Variants in SEMA4F observed in about 807,000 individuals in gnomAD.
SEMA4F encodes semaphorin-4F.
Under a neutral mutation model 78.4 loss-of-function variants are expected in SEMA4F, and 51 were observed. The observed-to-expected ratio is 0.65, with a 90% CI of 0.52 to 0.82. The LOEUF (loss-of-function observed/expected upper bound fraction) is 0.82, where lower values mean the gene tolerates loss of function less well. Ranked by LOEUF, SEMA4F falls within the 40% of genes least tolerant of loss-of-function variation. The pLI, the probability that SEMA4F is intolerant of heterozygous loss-of-function variation, is 0.00. For synonymous variants in SEMA4F, 418 were observed against 408.7 expected (o/e 1.02, Z -0.27); for missense variants, 938 against 1,014.4 (o/e 0.92, Z 1.02).
intron 12 of SEMA4F, among the ~76,000 whole-genome samples, chr2:74,676,510 A>G (rs1175341811): frequency 1.3e-5 from 2 of 152,212 alleles, no homozygotes; most frequent in African/African-American, 4.8e-5. Context: ...TTAGCAAGTC[A>G]AAGTATGCAC....
chr2:74,667,606 G>A (rs867244824), intron 5 of SEMA4F, among the ~76,000 whole-genome samples: 4 of 152,236 alleles, frequency 2.6e-5, no homozygotes, highest in Middle Eastern at 3.4e-3. Flanking sequence ...TTTCAAATAC[G>A]AAGTTTATCT....
At position 74,682,060 on chromosome 2, in the gene SEMA4F, G is replaced by A. The variant is rs1406818484; in HGVS notation, c.*1851G>A. 1 of 152,224 alleles carries A rather than the reference G, an allele frequency of 6.6e-6. No homozygotes were observed. The highest frequency in any genetic ancestry group is 2.4e-5 in the African/African-American group (1 of 41,432). 9.4% of individuals were successfully genotyped at this position (152,224 alleles called of 1,614,324 possible). A position where few individuals can be genotyped will look rare whatever the true frequency, so the allele number is the denominator to read the frequency against. ...CAATAAAGACCTGTCTGTACCAATAGATGTTGTTATTGCAAAAATGGGCTT... is the reference window on the plus strand; with the variant it reads ...CAATAAAGACCTGTCTGTACCAATAAATGTTGTTATTGCAAAAATGGGCTT... On this transcript the variant is annotated 3_prime_UTR_variant, in exon 14 of 14. Coordinates refer to ENST00000357877, the MANE Select transcript of SEMA4F (RefSeq NM_004263.5).
At chr2:74,663,151 G>A (rs1684512435) in intron 5 of SEMA4F, among the ~76,000 whole-genome samples, 1 of 152,076 alleles carries the variant, frequency 6.6e-6, no homozygotes, top group Admixed American at 6.5e-5. Context: ...AATAAATTTG[G>A]AAAAAGTATA....
chr2:74,675,769 C>G lies in SEMA4F; in HGVS notation c.1503C>G (p.Ser501=). The change falls in exon 12 of 14, where the codon TCC becomes TCG. Residue 501 remains serine, a synonymous_variant. Coordinates refer to ENST00000357877, the MANE Select transcript of SEMA4F (RefSeq NM_004263.5). ...TATAGAGCTGGCTCCTGGTTGGCTC[C>G]CGTACTGAGGTGACACAAGTGAATA... The part of the protein sequence containing the change: ...KLYHSWLLVG[S]RTEVTQVNTT... 1.9e-6 allele frequency: 3 copies of G among 1,614,140 alleles called. No individual in the cohort carries two copies. Among genetic ancestry groups the G allele is most frequent in the Non-Finnish European group, 2.5e-6 (3 of 1,180,000 alleles).
intron 5 of SEMA4F, among the ~76,000 whole-genome samples, chr2:74,672,411 AC>A (rs1445681620): frequency 5.3e-5 from 8 of 152,030 alleles, no homozygotes; most frequent in Admixed American, 1.3e-4. Context: ...CTGATTACAC[AC>A]TTGTCTTCCT....
At chr2:74,705,820 C>T in the SEMA4F span, among the ~76,000 whole-genome samples, 1 of 152,180 alleles carries the variant, frequency 6.6e-6, no homozygotes. Context: ...CCTGCCTCAG[C>T]CTCTCAAAAG....
chr2:74,663,340 C>T (rs943482762), intron 5 of SEMA4F, among the ~76,000 whole-genome samples: 2 of 152,102 alleles, frequency 1.3e-5, no homozygotes, highest in Non-Finnish European at 2.9e-5. Context: ...TTTAATTTTA[C>T]GTAAATAGGC....
At chr2:74,656,422 G>A in intron 1 of SEMA4F, 112 bp from the exon 2 acceptor site, 2 of 1,020,370 alleles carry the variant, frequency 2.0e-6, no homozygotes, top group Non-Finnish European at 2.9e-6. Flanking sequence ...CCCCATGGCT[G>A]CTTAATAAAT....
At position 74,680,220 on chromosome 2, in the gene SEMA4F, A is replaced by G. The variant is rs769281881; in HGVS notation, c.*11A>G. 2 of 1,550,964 alleles carry G rather than the reference A, an allele frequency of 1.3e-6. No homozygotes were observed. The highest frequency in any genetic ancestry group is 1.7e-6 in the Non-Finnish European group (2 of 1,144,150). On this transcript the variant is annotated 3_prime_UTR_variant, in exon 14 of 14. Coordinates refer to ENST00000357877, the MANE Select transcript of SEMA4F (RefSeq NM_004263.5). The stretch of plus-strand genomic sequence containing the variant: ...GAAACATCCATCTAGAGCTGGGCAA[A>G]TGACCACTAGTGTATAAGTGATCAC...
chr2:74,676,283 T>C (rs1685276078), intron 12 of SEMA4F, among the ~76,000 whole-genome samples: 1 of 152,236 alleles, frequency 6.6e-6, no homozygotes, highest in South Asian at 2.1e-4. Context: ...TCTCCTTTAC[T>C]TTCCCATCCA....
Position 74,654,353 on chromosome 2 carries a change from A to T in SEMA4F, c.-24A>T, listed in dbSNP as rs765968555. The T allele has an allele frequency of 1.4e-6, 2 of 1,464,544 alleles. No homozygotes were observed. Among genetic ancestry groups the T allele is most frequent in the South Asian group, 2.7e-5 (2 of 74,658 alleles). The allele number at this position is 1,464,544 out of a possible 1,614,324, so 90.7% of individuals were successfully genotyped here. On this transcript the variant is annotated 5_prime_UTR_variant, in exon 1 of 14. Transcript: ENST00000357877. The stretch of plus-strand genomic sequence containing the variant: ...GAGCAGAGGCCGTAGCTTGCGCCGC[A>T]CCCGCGGCCAGGCGGAGCCAAAGAT...
In SEMA4F at chr2:74,669,109, G is replaced by A. The variant is rs1340025617; in HGVS notation, c.551-4348G>A. 2.0e-5 allele frequency among the ~76,000 whole-genome samples: 3 copies of A among 151,900 alleles called. No individual in the cohort carries two copies. In the East Asian group the frequency reaches 5.8e-4, roughly 30 times the overall value. On this transcript the variant is annotated intron_variant, in intron 5 of 13. Transcript: ENST00000357877. ...GACCCTGTTGTTAAAAATTAAAGAC[G>A]GGGTCTTTAAAGGCCCCATCTTTAA...
the SEMA4F span, among the ~76,000 whole-genome samples, chr2:74,704,525 AG>A: frequency 6.6e-6 from 1 of 151,854 alleles, no homozygotes; most frequent in Non-Finnish European, 1.5e-5. Context: ...GGTTATTGTA[AG>A]GATCAAATTA....
At chr2:74,657,985 G>T in intron 4 of SEMA4F, 34 bp downstream of exon 4, 1 of 1,581,662 alleles carries the variant, frequency 6.3e-7, no homozygotes, top group Non-Finnish European at 8.7e-7. Context: ...GGGAGAGGGT[G>T]CCTGCACCAG....
the SEMA4F span, among the ~76,000 whole-genome samples, chr2:74,701,354 C>T: frequency 2.6e-5 from 4 of 152,296 alleles, no homozygotes; most frequent in South Asian, 4.1e-4. Context: ...TCTCTCCCTG[C>T]GCACCTGTCA....
At chr2:74,689,852 A>G in the SEMA4F span, among the ~76,000 whole-genome samples, 3 of 152,230 alleles carry the variant, frequency 2.0e-5, no homozygotes, top group East Asian at 5.8e-4. Context: ...AGATCACTCT[A>G]TAATCATGTC....
rs1684244471 is a variant in SEMA4F, at chr2:74,658,009, G to A, written c.456+58G>A. The A allele has an allele frequency of 6.7e-7, 1 of 1,485,892 alleles. No homozygotes were observed. Among genetic ancestry groups the A allele is most frequent in the South Asian group, 1.1e-5 (1 of 88,600 alleles). The allele number at this position is 1,485,892 out of a possible 1,614,324, so 92.0% of individuals were successfully genotyped here. A position where few individuals can be genotyped will look rare whatever the true frequency, so the allele number is the denominator to read the frequency against. ...TGCCTGCACCAGTGTGAGTTACTTG[G>A]GGTGGTGGTGGGAGGATGGGAAGGG... On this transcript the variant is annotated intron_variant, in intron 4 of 13. Transcript: ENST00000357877. This position sits in a 1 kb window ranked among gnomAD's most constrained non-coding sequence, Gnocchi z 4.3.
rs1222190445 is a variant in SEMA4F at position 74,676,286 on chromosome 2, C to A, written c.1643+377C>A. Among the ~76,000 whole-genome samples the A allele has an allele frequency of 3.3e-5, 5 of 152,318 alleles. 1 individual carries two copies. In the East Asian group the frequency reaches 9.6e-4, roughly 29 times the overall value. On this transcript the variant is annotated intron_variant, in intron 12 of 13. Transcript: ENST00000357877. ...TGCATTCTTTGGTCTCCTTTACTTT[C>A]CCATCCAACAACTGAATGTTGATAT...
At chr2:74,673,353 T>A in intron 5 of SEMA4F, 104 bp from the exon 6 acceptor site, 1 of 1,385,512 alleles carries the variant, frequency 7.2e-7, no homozygotes, top group Non-Finnish European at 1.0e-6. Context: ...GGGTGTTTAG[T>A]CCCTGAGAGT....
Sources: gnomAD v4.1 joint callset for allele counts (sites outside exome capture counted in the v4.1 genomes callset) on GRCh38, gnomAD v4.1.1 for gene constraint, Gnocchi (gnomAD v3.1) non-coding constraint, MANE v1.5 for transcripts, NCBI Gene and HGNC (gene_info 2026-07-23, HGNC 2026-07-21) for gene names.